The following IQCK variants were observed in gnomAD, a reference collection of about 807,000 sequenced individuals.
The protein encoded by IQCK is IQ domain-containing protein K.
A neutral mutation model predicts 28.1 loss-of-function variants in IQCK; 29 were observed. The observed-to-expected ratio is 1.03, with a 90% CI of 0.77 to 1.41. The LOEUF (loss-of-function observed/expected upper bound fraction) is 1.41, where lower values mean the gene tolerates loss of function less well. IQCK is among the 40% of genes most tolerant of loss of function. The pLI, the probability that IQCK is intolerant of heterozygous loss-of-function variation, is 0.00. For missense variants in IQCK, 359 were observed against 314.7 expected (o/e 1.14, Z -1.07); for synonymous variants, 113 against 115.1 (o/e 0.98, Z 0.12).
At chr16:19,760,875 A>T (rs115334483) in intron 4 of IQCK, among the ~76,000 whole-genome samples, 4,634 of 152,296 alleles carry the variant, frequency 0.03, 216 homozygotes, top group African/African-American at 0.11. Context: ...TCTTGAGTAT[A>T]TGCTAAGCAA....
intron 9 of IQCK, among the ~76,000 whole-genome samples, chr16:19,838,184 G>A (rs2056320496): frequency 6.6e-6 from 1 of 152,170 alleles, no homozygotes; most frequent in Admixed American, 6.5e-5. Flanking sequence ...TTGGGAGTTT[G>A]GTCTCAACGT....
At chr16:19,826,082 C>G (rs1036397253) in intron 7 of IQCK, among the ~76,000 whole-genome samples, 1 of 152,144 alleles carries the variant, frequency 6.6e-6, no homozygotes, top group African/African-American at 2.4e-5. Context: ...TCTTGGCTTA[C>G]TGCAGCCTCA....
chr16:19,793,657 T>G (rs1473586298), intron 7 of IQCK, among the ~76,000 whole-genome samples: 6 of 131,140 alleles, frequency 4.6e-5, no homozygotes, highest in African/African-American at 1.7e-4. Context: ...TTTTTTTTTT[T>G]TTTTTTTTTT....
intron 9 of IQCK, among the ~76,000 whole-genome samples, chr16:19,850,461 G>T (rs146452870): frequency 9.9e-5 from 15 of 152,098 alleles, no homozygotes; most frequent in African/African-American, 3.4e-4. Context: ...CCTAGAAATC[G>T]GGAGCTAATT....
chr16:19,770,012 A>G (rs2055297577), intron 6 of IQCK, among the ~76,000 whole-genome samples: 1 of 152,168 alleles, frequency 6.6e-6, no homozygotes, highest in Non-Finnish European at 1.5e-5. Context: ...GAGCAAGTGC[A>G]AGGGTTAAAT....
chr16:19,721,683 T>A (rs1254888644), intron 1 of IQCK, among the ~76,000 whole-genome samples: 1 of 151,874 alleles, frequency 6.6e-6, no homozygotes, highest in African/African-American at 2.4e-5. Flanking sequence ...CCTCCCAGAT[T>A]CAAGCAATTC....
chr16:19,734,638 GGGTGT>G (rs1977953355), intron 3 of IQCK, among the ~76,000 whole-genome samples: 1 of 151,294 alleles, frequency 6.6e-6, no homozygotes, highest in Admixed American at 6.6e-5. Context: ...AAAATTAGCT[GGGTGT>G]GGTGGCAGGT....
chr16:19,769,308 G>A (rs1190013525), intron 6 of IQCK, among the ~76,000 whole-genome samples: 1 of 152,218 alleles, frequency 6.6e-6, no homozygotes, highest in Non-Finnish European at 1.5e-5. Flanking sequence ...CAAAGAATGT[G>A]TGGACATATT....
chr16:19,823,137 G>C (rs1026871042), intron 7 of IQCK, among the ~76,000 whole-genome samples: 9 of 152,102 alleles, frequency 5.9e-5, no homozygotes, highest in African/African-American at 2.2e-4. Context: ...GGGAGCCCAG[G>C]CTTGGGCTCC....
chr16:19,843,572 G>A (rs2056384275), intron 9 of IQCK, among the ~76,000 whole-genome samples: 2 of 152,184 alleles, frequency 1.3e-5, no homozygotes, highest in South Asian at 4.1e-4. Context: ...GCTTGTATTA[G>A]TCAGCTCAGG....
At chr16:19,808,365 C>G (rs2055859253) in intron 7 of IQCK, among the ~76,000 whole-genome samples, 1 of 152,190 alleles carries the variant, frequency 6.6e-6, no homozygotes, top group African/African-American at 2.4e-5. Context: ...AATGTACCCC[C>G]AGTATGTGAC....
At chr16:19,778,610 A>G (rs12924487) in intron 6 of IQCK, among the ~76,000 whole-genome samples, 133,290 of 151,942 alleles carry the variant, frequency 0.88, 58,790 homozygotes, top group East Asian at 1. Context: ...CGAGCCATTA[A>G]CATACCACTG....
intron 6 of IQCK, among the ~76,000 whole-genome samples, chr16:19,783,946 C>T (rs2055528241): frequency 6.6e-6 from 1 of 152,158 alleles, no homozygotes; most frequent in South Asian, 2.1e-4. Flanking sequence ...TTCTGTTTTC[C>T]TGCTGCTGTT....
intron 9 of IQCK, among the ~76,000 whole-genome samples, chr16:19,854,819 G>T (rs950876411): frequency 1.3e-5 from 2 of 152,214 alleles, no homozygotes; most frequent in South Asian, 4.2e-4. Context: ...GAGGTGTGGC[G>T]CATCCTTGAC....
chr16:19,822,092 A>C (rs1193405549), intron 7 of IQCK, among the ~76,000 whole-genome samples: 1 of 150,724 alleles, frequency 6.6e-6, no homozygotes, highest in East Asian at 1.9e-4. Flanking sequence ...AACAAAAAAA[A>C]AAACAAAAAA....
intron 4 of IQCK, among the ~76,000 whole-genome samples, chr16:19,740,607 A>G (rs17733843): frequency 0.012 from 1,792 of 152,290 alleles, 11 homozygotes; most frequent in Non-Finnish European, 0.019. Context: ...TATTCGATTG[A>G]ACAAAGGATG....
At chr16:19,776,109 G>A (rs2055390815) in intron 6 of IQCK, among the ~76,000 whole-genome samples, 1 of 151,932 alleles carries the variant, frequency 6.6e-6, no homozygotes. Context: ...ATGAACTCCT[G>A]ACCTCAGGTG....
At chr16:19,739,919 A>G (rs1287647315) in intron 4 of IQCK, among the ~76,000 whole-genome samples, 1 of 152,200 alleles carries the variant, frequency 6.6e-6, no homozygotes, top group Non-Finnish European at 1.5e-5. Flanking sequence ...CTTCTGAACC[A>G]GATCTTCTTT....
At chr16:19,771,509 G>T (rs2055321033) in intron 6 of IQCK, among the ~76,000 whole-genome samples, 1 of 152,150 alleles carries the variant, frequency 6.6e-6, no homozygotes, top group Admixed American at 6.5e-5. Flanking sequence ...CCTACATTTT[G>T]CTGAAGATTG....
Sources: gnomAD v4.1 joint callset for allele counts (sites outside exome capture counted in the v4.1 genomes callset) on GRCh38, gnomAD v4.1.1 for gene constraint, MANE v1.5 for transcripts, NCBI Gene and HGNC (gene_info 2026-07-23, HGNC 2026-07-21) for gene names.